FANCA: variants seen among roughly 807,000 people sequenced by gnomAD.
FANCA encodes the protein FA complementation group A, also known as Fanconi anemia group A protein.
FANCA carries 236 observed loss-of-function variants against 194.3 expected under a neutral mutation model. The ratio of observed to expected loss-of-function variants is 1.21; its 90% CI spans 1.09 to 1.35. The LOEUF (loss-of-function observed/expected upper bound fraction) is 1.35, where lower values mean the gene tolerates loss of function less well. Ranked by LOEUF, FANCA falls within the 40% of genes most tolerant of loss-of-function variation. The pLI, the probability that FANCA is intolerant of heterozygous loss-of-function variation, is 0.00. For missense variants in FANCA, 2,628 were observed against 1,813.9 expected, an observed-to-expected ratio of 1.45 and a Z score of -8.15; for synonymous variants, 1,014 against 715.8, an observed-to-expected ratio of 1.42 and a Z score of -6.65.
At chr16:89,746,734 A>G (rs936131365) in intron 34 of FANCA, 46 bp from the exon 35 acceptor site, 1 of 1,604,008 alleles carries the variant, frequency 6.2e-7, no homozygotes, top group Non-Finnish European at 8.5e-7. Context: ...GTGAGGACCC[A>G]CAACTAGTAG....
chr16:89,763,261 A>G lies in FANCA; in HGVS notation c.2779-1239T>C, dbSNP rs1213468421. Among the ~76,000 whole-genome samples the G allele has an allele frequency of 2.0e-5, 3 of 151,924 alleles. 1 individual carries two copies. In the South Asian group the frequency reaches 6.2e-4, roughly 31 times the overall value. Reference sequence around the variant, plus strand: ...GATTCCATCTCCAAAAAAAAAAATAATAATTTAAAAATAATAAAATAATTT... The same window carrying G: ...GATTCCATCTCCAAAAAAAAAAATAGTAATTTAAAAATAATAAAATAATTT... On this transcript the variant is annotated intron_variant, in intron 28 of 42. Transcript: ENST00000389301.
intron 6 of FANCA, among the ~76,000 whole-genome samples, chr16:89,807,984 G>A (rs1475179180): frequency 6.6e-6 from 1 of 152,154 alleles, no homozygotes; most frequent in African/African-American, 2.4e-5. Flanking sequence ...CTTGAACCCT[G>A]GAGGTGGAGG....
At chr16:89,745,999 C>T (rs1051734620) in intron 35 of FANCA, among the ~76,000 whole-genome samples, 1 of 152,162 alleles carries the variant, frequency 6.6e-6, no homozygotes, top group African/African-American at 2.4e-5. Context: ...AGAAAAAGGC[C>T]CTCCTGTCCC....
chr16:89,792,879 C>T (rs559255624), intron 11 of FANCA, among the ~76,000 whole-genome samples: 2 of 152,216 alleles, frequency 1.3e-5, no homozygotes, highest in South Asian at 2.1e-4. Flanking sequence ...CCCTTCCCTG[C>T]CTGGAAGCCG....
At chr16:89,746,034 A>G (rs2038377286) in intron 35 of FANCA, among the ~76,000 whole-genome samples, 4 of 152,170 alleles carry the variant, frequency 2.6e-5, no homozygotes, top group Admixed American at 2.6e-4. Flanking sequence ...GAAGGGCGAC[A>G]GCTGTGGTCT....
At chr16:89,778,753 C>T in intron 20 of FANCA, 48 bp downstream of exon 20, 1 of 1,560,730 alleles carries the variant, frequency 6.4e-7, no homozygotes, top group Non-Finnish European at 8.8e-7. Flanking sequence ...TTCGCATTGT[C>T]AGAAGAAACC....
At chr16:89,800,138 G>A (rs2040394453) in intron 8 of FANCA, among the ~76,000 whole-genome samples, 1 of 152,248 alleles carries the variant, frequency 6.6e-6, no homozygotes, top group South Asian at 2.1e-4. Context: ...CTCTCAGCAT[G>A]GCCTGAGGCC....
At chr16:89,750,844 C>G (rs1352142555) in intron 31 of FANCA, among the ~76,000 whole-genome samples, 1 of 152,134 alleles carries the variant, frequency 6.6e-6, no homozygotes, top group African/African-American at 2.4e-5. Context: ...CCAGATTAAC[C>G]TCTGGCTAAC....
intron 29 of FANCA, among the ~76,000 whole-genome samples, chr16:89,761,343 C>T (rs1308062367): frequency 1.4e-5 from 2 of 147,048 alleles, no homozygotes; most frequent in African/African-American, 5.0e-5. Context: ...GGCGTGAACC[C>T]GGGAGGTGGA....
At chr16:89,807,946 G>A (rs182519834) in intron 6 of FANCA, among the ~76,000 whole-genome samples, 21 of 151,634 alleles carry the variant, frequency 1.4e-4, no homozygotes, top group African/African-American at 3.1e-4. Context: ...TAATCCCAGC[G>A]ACTTGGGAGG....
At chr16:89,740,453 G>C in intron 38 of FANCA, 1 of 458,300 alleles carries the variant, frequency 2.2e-6, no homozygotes, top group South Asian at 2.4e-5. Flanking sequence ...CTGGCAATAT[G>C]GTGAAACCCC....
intron 32 of FANCA, among the ~76,000 whole-genome samples, chr16:89,749,269 A>G (rs1039534314): frequency 5.3e-5 from 8 of 152,114 alleles, no homozygotes; most frequent in Non-Finnish European, 1.2e-4. Flanking sequence ...CTGGTGTGCA[A>G]TGGCGTGATC....
At chr16:89,774,515 G>A (rs548028605) in intron 21 of FANCA, among the ~76,000 whole-genome samples, 25 of 151,838 alleles carry the variant, frequency 1.6e-4, no homozygotes, top group African/African-American at 6.0e-4. Context: ...TGGATCACGA[G>A]GTCAGGAGAT....
intron 3 of FANCA, among the ~76,000 whole-genome samples, chr16:89,812,670 A>AAAT (rs1567655807): frequency 6.7e-6 from 1 of 148,814 alleles, no homozygotes; most frequent in Non-Finnish European, 1.5e-5. Context: ...AAAAAAAAAA[A>AAAT]CTGTTAACTG....
chr16:89,787,472 G>A (rs1371525960), intron 14 of FANCA, among the ~76,000 whole-genome samples: 1 of 152,012 alleles, frequency 6.6e-6, no homozygotes, highest in Admixed American at 6.6e-5. Context: ...GTGAGCCAAG[G>A]TCGCACCACT....
intron 26 of FANCA, among the ~76,000 whole-genome samples, chr16:89,767,967 T>G (rs571160541): frequency 1.3e-5 from 2 of 152,218 alleles, no homozygotes; most frequent in South Asian, 4.1e-4. Context: ...ATTACAGCGT[T>G]AGCCACCGTG....
chr16:89,800,637 A>C (rs1265853860), intron 8 of FANCA, among the ~76,000 whole-genome samples: 1 of 152,246 alleles, frequency 6.6e-6, no homozygotes, highest in African/African-American at 2.4e-5. Flanking sequence ...GAATATAGAA[A>C]TCACACTGCC....
At chr16:89,787,771 T>C (rs1211594267) in intron 14 of FANCA, among the ~76,000 whole-genome samples, 1 of 151,934 alleles carries the variant, frequency 6.6e-6, no homozygotes, top group Non-Finnish European at 1.5e-5. Context: ...CAAATTACAT[T>C]TAACTACATA....
At chr16:89,783,700 C>A (rs542937501) in intron 15 of FANCA, among the ~76,000 whole-genome samples, 59 of 152,298 alleles carry the variant, frequency 3.9e-4, no homozygotes, top group African/African-American at 1.3e-3. Flanking sequence ...CAGCAGGAAC[C>A]GGCCCCGGCC....
Sources: allele counts gnomAD v4.1 joint callset (sites outside exome capture counted in the v4.1 genomes callset), GRCh38; gene constraint gnomAD v4.1.1; transcripts MANE v1.5; gene names NCBI Gene and HGNC (gene_info 2026-07-23, HGNC 2026-07-21).